ACSS3: variants seen among roughly 807,000 people sequenced by gnomAD.
The protein encoded by ACSS3 is acyl-CoA synthetase short chain family member 3.
ACSS3 carries 64 observed loss-of-function variants against 84.2 expected under a neutral mutation model. The ratio of observed to expected loss-of-function variants is 0.76; its 90% confidence interval spans 0.62 to 0.94. The LOEUF (loss-of-function observed/expected upper bound fraction) is 0.94. Among genes scored for constraint, ACSS3 ranks in the 40% least tolerant of loss-of-function variants. ACSS3 has a pLI of 0.00. For synonymous variants in ACSS3, 317 were observed against 310.1 expected, an observed-to-expected ratio of 1.02 and a Z score of -0.23; for missense variants, 815 against 867.6, an observed-to-expected ratio of 0.94 and a Z score of 0.76.
chr12:81,089,179 T>C (rs1881510421), intron 1 of ACSS3, among the ~76,000 whole-genome samples: 1 of 152,028 alleles, frequency 6.6e-6, no homozygotes, highest in African/African-American at 2.4e-5. Flanking sequence ...TTATGAACAC[T>C]TGGAAATTTA....
chr12:81,237,305 C>A (rs572380871), intron 13 of ACSS3, among the ~76,000 whole-genome samples: 51 of 151,576 alleles, frequency 3.4e-4, no homozygotes, highest in Non-Finnish European at 1.9e-4. Flanking sequence ...CCTTTAAGAT[C>A]TGAGCAATTC....
chr12:81,143,026 CTTAAATAGAT>C (rs1167273606), intron 4 of ACSS3, 71 bp from the exon 5 acceptor site: 7 of 1,317,876 alleles, frequency 5.3e-6, no homozygotes, highest in Non-Finnish European at 7.1e-6. Flanking sequence ...GATGCTCAGA[CTTAAATAGAT>C]TTAGCTACTT....
intron 3 of ACSS3, among the ~76,000 whole-genome samples, chr12:81,135,288 AT>A (rs1885729219): frequency 6.9e-6 from 1 of 145,176 alleles, no homozygotes; most frequent in Non-Finnish European, 1.5e-5. Context: ...AATATATTAT[AT>A]ATATTATAAT....
chr12:81,213,957 C>CTCTCTCTTTCTT (rs1555181707), intron 9 of ACSS3, among the ~76,000 whole-genome samples: 25 of 49,146 alleles, frequency 5.1e-4, no homozygotes, highest in African/African-American at 1.6e-3. Context: ...CTCCCTCTCT[C>CTCTCTCTTTCTT]TCTTTCTTTC....
At chr12:81,077,871 G>C (rs1450573946), upstream of ACSS3, 1 of 453,806 alleles carries the variant, frequency 2.2e-6, no homozygotes, top group Non-Finnish European at 3.8e-6. Context: ...TTTGGATCTC[G>C]TGCAGCAGCG....
chr12:81,169,353 A>G (rs779702595), intron 7 of ACSS3, among the ~76,000 whole-genome samples: 1 of 152,200 alleles, frequency 6.6e-6, no homozygotes, highest in East Asian at 1.9e-4. Context: ...GCATAGGACA[A>G]TTATCCCATT....
chr12:81,086,550 T>C (rs1311740956), intron 1 of ACSS3, among the ~76,000 whole-genome samples: 1 of 152,172 alleles, frequency 6.6e-6, no homozygotes, highest in East Asian at 1.9e-4. Flanking sequence ...GCGCAATCAA[T>C]GAACAATGGA....
intron 7 of ACSS3, among the ~76,000 whole-genome samples, chr12:81,153,514 A>G (rs1458168443): frequency 1.3e-5 from 2 of 152,272 alleles, no homozygotes; most frequent in African/African-American, 2.4e-5. Context: ...AAGTTGCTAC[A>G]TATAAATTAT....
chr12:81,193,704 A>G (rs552263679), intron 8 of ACSS3, among the ~76,000 whole-genome samples: 1 of 152,160 alleles, frequency 6.6e-6, no homozygotes, highest in Non-Finnish European at 1.5e-5. Context: ...GCATTCTCCA[A>G]TAAACTAATC....
intron 1 of ACSS3, among the ~76,000 whole-genome samples, chr12:81,096,367 A>C (rs1328219121): frequency 6.6e-6 from 1 of 152,190 alleles, no homozygotes; most frequent in Non-Finnish European, 1.5e-5. Context: ...ATGAACTAGC[A>C]TGTGGTCCCT....
chr12:81,175,399 G>A (rs961905499), intron 8 of ACSS3, among the ~76,000 whole-genome samples: 7 of 152,098 alleles, frequency 4.6e-5, no homozygotes, highest in African/African-American at 1.7e-4. Context: ...AGAGACTTAG[G>A]TAAACACAGA....
chr12:81,085,586 C>T (rs1445106892), intron 1 of ACSS3, among the ~76,000 whole-genome samples: 2 of 152,208 alleles, frequency 1.3e-5, no homozygotes, highest in East Asian at 1.9e-4. Flanking sequence ...TGGCTAAGCC[C>T]AGAATCTTTT....
At chr12:81,247,811 C>T (rs990922429) in intron 13 of ACSS3, among the ~76,000 whole-genome samples, 2 of 151,944 alleles carry the variant, frequency 1.3e-5, no homozygotes, top group African/African-American at 4.8e-5. Context: ...TATTAAAGTG[C>T]CCAAACCTTA....
At chr12:81,233,309 C>T (rs1386714435) in intron 12 of ACSS3, 40 bp from the exon 13 acceptor site, 1 of 1,585,866 alleles carries the variant, frequency 6.3e-7, no homozygotes, top group Non-Finnish European at 8.6e-7. Flanking sequence ...CATTAGTTAA[C>T]AGTACATGCT....
intron 2 of ACSS3, among the ~76,000 whole-genome samples, chr12:81,123,288 A>G (rs978377076): frequency 4.6e-5 from 7 of 152,194 alleles, no homozygotes; most frequent in Middle Eastern, 3.2e-3. Flanking sequence ...GGAAACAGAT[A>G]CATGAGAAGA....
chr12:81,092,778 G>A (rs1881753995), intron 1 of ACSS3, among the ~76,000 whole-genome samples: 1 of 152,056 alleles, frequency 6.6e-6, no homozygotes, highest in Admixed American at 6.6e-5. Context: ...AAATGTTAAT[G>A]GGAAACGTTT....
At chr12:81,090,510 T>C (rs1881603455) in intron 1 of ACSS3, among the ~76,000 whole-genome samples, 1 of 152,038 alleles carries the variant, frequency 6.6e-6, no homozygotes, top group Admixed American at 6.6e-5. Context: ...CTTCACCATA[T>C]ACAGATTTAC....
intron 7 of ACSS3, among the ~76,000 whole-genome samples, chr12:81,170,441 A>C (rs935698095): frequency 1.3e-5 from 2 of 152,140 alleles, no homozygotes; most frequent in African/African-American, 4.8e-5. Flanking sequence ...TGTTTTATAA[A>C]TCTCTGAGGT....
chr12:81,235,179 G>A (rs2033591690), intron 13 of ACSS3, among the ~76,000 whole-genome samples: 2 of 151,406 alleles, frequency 1.3e-5, no homozygotes, highest in South Asian at 4.1e-4. Context: ...TGAAAAAGCT[G>A]CCCTTTCTCT....
Sources: allele counts gnomAD v4.1 joint callset (sites outside exome capture counted in the v4.1 genomes callset), GRCh38; gene constraint gnomAD v4.1.1; transcripts MANE v1.5; gene names NCBI Gene and HGNC (gene_info 2026-07-23, HGNC 2026-07-21).